The following CFH variants were observed in gnomAD, a reference collection of about 807,000 sequenced individuals.
CFH encodes H factor 1 (complement).
A neutral mutation model predicts 147.3 loss-of-function variants in CFH; 53 were observed. That is an observed-to-expected ratio of 0.36 (90% CI 0.29 to 0.45). CFH has a LOEUF of 0.45. CFH is among the 20% of genes least tolerant of loss of function. The pLI is 1.00. For missense variants in CFH, 1,380 were observed against 1,498.0 expected (o/e 0.92, Z 1.30); for synonymous variants, 536 against 489.4 (o/e 1.10, Z -1.26).
At chr1:196,668,949 C>A (rs1479441663) in intron 1 of CFH, among the ~76,000 whole-genome samples, 2 of 152,082 alleles carry the variant, frequency 1.3e-5, no homozygotes, top group East Asian at 3.9e-4. Context: ...GTTTGGAGGT[C>A]TCAAAAGAAG....
chr1:196,716,568 G>C (rs1456011064), intron 11 of CFH, among the ~76,000 whole-genome samples: 1 of 152,112 alleles, frequency 6.6e-6, no homozygotes, highest in Non-Finnish European at 1.5e-5. Flanking sequence ...GCGACACCAT[G>C]AGTCCAGGTA....
chr1:196,724,606 G>A (rs1038043124), intron 11 of CFH, among the ~76,000 whole-genome samples: 7 of 151,954 alleles, frequency 4.6e-5, no homozygotes, highest in Non-Finnish European at 8.8e-5. Flanking sequence ...CCATGCTTTG[G>A]CTTCTCTCCA....
chr1:196,681,891 A>T (rs1038658178), intron 6 of CFH, among the ~76,000 whole-genome samples: 1 of 151,844 alleles, frequency 6.6e-6, no homozygotes, highest in African/African-American at 2.4e-5. Context: ...CTGATATAAG[A>T]TGAATTCAAA....
intron 1 of CFH, among the ~76,000 whole-genome samples, chr1:196,654,732 G>T (rs1572991551): frequency 7.2e-6 from 1 of 139,606 alleles, no homozygotes; most frequent in South Asian, 2.1e-4. Context: ...TGTGTTGTTT[G>T]GGAGACATGT....
At chr1:196,744,819 C>A (rs1456193112) in intron 20 of CFH, among the ~76,000 whole-genome samples, 1 of 152,050 alleles carries the variant, frequency 6.6e-6, no homozygotes, top group African/African-American at 2.4e-5. Flanking sequence ...CAAGCTCTTT[C>A]TTTTATCTGT....
chr1:196,740,235 T>A (rs1652765451), intron 17 of CFH, among the ~76,000 whole-genome samples: 1 of 152,222 alleles, frequency 6.6e-6, no homozygotes, highest in Non-Finnish European at 1.5e-5. Flanking sequence ...TTTGCCACTA[T>A]GTTTTAAAAC....
At chr1:196,714,143 G>C (rs1008789758) in intron 10 of CFH, among the ~76,000 whole-genome samples, 2 of 151,924 alleles carry the variant, frequency 1.3e-5, no homozygotes, top group African/African-American at 2.4e-5. Context: ...CTGTGTTACA[G>C]AAACAAGTTA....
At chr1:196,743,313 T>C (rs1191638673) in intron 19 of CFH, 139 bp from the exon 20 acceptor site, 1 of 1,327,714 alleles carries the variant, frequency 7.5e-7, no homozygotes, top group Non-Finnish European at 1.0e-6. Flanking sequence ...TACATTTAAA[T>C]TTATTAAAAT....
rs374904784 is a variant in CFH at position 196,706,258 on chromosome 1, C to T, written c.1337-7477C>T. On this transcript the variant is annotated intron_variant, in intron 9 of 21. Coordinates refer to ENST00000367429, the MANE Select transcript of CFH (RefSeq NM_000186.4). ...CTCATGGGGCCGTTTGGAAAGAAAG[C>T]GGGCTCTTAACCTTTGATGATTAAA... Among the ~76,000 whole-genome samples the T allele has an allele frequency of 1.1e-4, 17 of 152,182 alleles. No individual in the cohort carries two copies. In the South Asian group the frequency reaches 2.5e-3, roughly 22 times the overall value.
At chr1:196,675,333 G>A (rs1420189895) in intron 3 of CFH, among the ~76,000 whole-genome samples, 1 of 152,106 alleles carries the variant, frequency 6.6e-6, no homozygotes, top group Non-Finnish European at 1.5e-5. Context: ...GAGCAGATTT[G>A]ACTCACTGGG....
intron 17 of CFH, among the ~76,000 whole-genome samples, chr1:196,739,296 C>T (rs1447992310): frequency 2.0e-5 from 3 of 152,224 alleles, no homozygotes; most frequent in Non-Finnish European, 4.4e-5. Context: ...ATTTCTGCAG[C>T]AGGCTTGAAT....
chr1:196,729,168 C>A (rs770550676), intron 15 of CFH, among the ~76,000 whole-genome samples: 3 of 151,968 alleles, frequency 2.0e-5, no homozygotes, highest in Non-Finnish European at 2.9e-5. Flanking sequence ...CAATGTCTGC[C>A]AGTCTAGGAT....
In CFH at chr1:196,713,788, C is replaced by A; in HGVS notation, c.1390C>A (p.Gln464Lys). ...TGAGAATGGGTTTATTTCTGAATCT[C>A]AGTATACATATGCCTTAAAAGAAAA... ...DIENGFISES[Q>K]YTYALKEKAK... The change falls in exon 10 of 22, where the codon CAG becomes AAG. Residue 464 changes from glutamine to lysine, a missense_variant. Gln to Lys is a moderately conservative substitution (Grantham distance 53). Around this residue, in one of 4 missense-constraint regions of CFH, gnomAD observed 830 missense variants for 821.4 expected, o/e 1.01. Coordinates refer to ENST00000367429, the MANE Select transcript of CFH (RefSeq NM_000186.4). 1 of 1,604,830 alleles carries A rather than the reference C, an allele frequency of 6.2e-7. No individual in the cohort carries two copies. Among genetic ancestry groups the A allele is most frequent in the Non-Finnish European group, 8.5e-7 (1 of 1,172,258 alleles).
At chr1:196,707,430 G>C (rs527801993) in intron 9 of CFH, among the ~76,000 whole-genome samples, 2 of 152,190 alleles carry the variant, frequency 1.3e-5, no homozygotes, top group Non-Finnish European at 2.9e-5. Flanking sequence ...GGTTCCAGCA[G>C]ATTGTGGTAT....
intron 9 of CFH, among the ~76,000 whole-genome samples, chr1:196,709,364 T>G (rs1028085506): frequency 4.6e-5 from 7 of 152,140 alleles, no homozygotes; most frequent in African/African-American, 1.7e-4. Context: ...TCCAGCACCC[T>G]AAGCTGGGTA....
chr1:196,684,809 A>G (rs1667769062), intron 6 of CFH, among the ~76,000 whole-genome samples: 1 of 152,048 alleles, frequency 6.6e-6, no homozygotes, highest in South Asian at 2.1e-4. Context: ...CCAGTTATGG[A>G]AAATCATGAA....
chr1:196,723,709 G>A (rs1007794718), intron 11 of CFH, among the ~76,000 whole-genome samples: 1 of 152,020 alleles, frequency 6.6e-6, no homozygotes, highest in African/African-American at 2.4e-5. Context: ...CTCACCCTTG[G>A]ATGCTCCAAG....
chr1:196,698,354 G>T (rs577135650), intron 9 of CFH, among the ~76,000 whole-genome samples: 22 of 152,006 alleles, frequency 1.4e-4, no homozygotes, highest in African/African-American at 5.1e-4. Context: ...AAGGACAGAA[G>T]AATCAAATAG....
intron 9 of CFH, among the ~76,000 whole-genome samples, chr1:196,702,834 G>T (rs2149097085): frequency 6.6e-6 from 1 of 152,188 alleles, no homozygotes; most frequent in East Asian, 1.9e-4. Flanking sequence ...CTGCAAGGGA[G>T]TGCCCAAGCA....
Sources: gnomAD v4.1 joint callset for allele counts (sites outside exome capture counted in the v4.1 genomes callset) on GRCh38, gnomAD v4.1.1 for gene constraint, gnomAD v4.1.1 regional missense constraint, MANE v1.5 for transcripts, NCBI Gene and HGNC (gene_info 2026-07-23, HGNC 2026-07-21) for gene names.